TRABD2A: variants seen among roughly 807,000 people sequenced by gnomAD.
TRABD2A encodes metalloprotease TIKI1.
A neutral mutation model predicts 45.6 loss-of-function variants in TRABD2A; 43 were observed. The ratio of observed to expected loss-of-function variants is 0.94; its 90% CI spans 0.74 to 1.22. The LOEUF (loss-of-function observed/expected upper bound fraction) is 1.22, where lower values mean the gene tolerates loss of function less well. Ranked by LOEUF, TRABD2A falls within the 50% of genes most tolerant of loss-of-function variation. TRABD2A has a pLI of 0.00. For synonymous variants in TRABD2A, 269 were observed against 265.0 expected (o/e 1.02, Z -0.15); for missense variants, 642 against 652.4 (o/e 0.98, Z 0.17).
rs72836493 is a variant in TRABD2A, at chr2:84,822,764, C to T, written c.1335-664G>A. On this transcript the variant is annotated intron_variant, in intron 6 of 6. Coordinates refer to ENST00000409520, the MANE Select transcript of TRABD2A (RefSeq NM_001277053.2). ...GAAGCTGTCCCCATTCTCCAGGTCCCATCTGGCTGCCAGCTTCTGTCCATT... is the reference window on the plus strand; with the variant it reads ...GAAGCTGTCCCCATTCTCCAGGTCCTATCTGGCTGCCAGCTTCTGTCCATT... 2.3e-3 allele frequency among the ~76,000 whole-genome samples: 352 copies of T among 152,336 alleles called. 1 individual carries two copies. Among genetic ancestry groups the T allele is most frequent in the Non-Finnish European group, 4.2e-3 (285 of 68,028 alleles).
Position 84,821,887 on chromosome 2 carries a change from G to T in TRABD2A, c.*30C>A. The T allele has an allele frequency of 1.3e-6, 2 of 1,535,218 alleles. No individual in the cohort carries two copies. Among genetic ancestry groups the T allele is most frequent in the Non-Finnish European group, 1.8e-6 (2 of 1,138,802 alleles). ...AATGGCCATTCTTCAAGTCCGAGGG[G>T]TCAGGTTCTTAGCCTGGTGCTTCCA... On this transcript the variant is annotated 3_prime_UTR_variant, in exon 7 of 7. Coordinates refer to ENST00000409520, the MANE Select transcript of TRABD2A (RefSeq NM_001277053.2).
chr2:84,863,446 A>G (rs141702048), intron 2 of TRABD2A, among the ~76,000 whole-genome samples: 3,792 of 149,412 alleles, frequency 0.025, 79 homozygotes, highest in South Asian at 0.056. Flanking sequence ...GGGTTTCACC[A>G]TGGTCTCGAT....
rs1254419742 is a variant in TRABD2A, at chr2:84,870,814, A to G, written c.109-29T>C. On this transcript the variant is annotated intron_variant, in intron 1 of 6. Transcript: ENST00000409520. ...AAAAGAAAAGAGGTAACATCAAGGT[A>G]TAATATGGGGGAGAGGCATGGTCAG... 4 of 1,527,604 alleles carry G rather than the reference A, an allele frequency of 2.6e-6. No homozygotes were observed. In the African/African-American group the frequency reaches 5.5e-5, roughly 21 times the overall value. 94.6% of individuals were successfully genotyped at this position (1,527,604 alleles called of 1,614,324 possible).
intron 2 of TRABD2A, among the ~76,000 whole-genome samples, chr2:84,844,269 G>T (rs992926960): frequency 1.3e-5 from 2 of 152,192 alleles, no homozygotes; most frequent in South Asian, 4.1e-4. Context: ...TTGAATCATG[G>T]AGGTAGGTCT....
Position 84,839,242 on chromosome 2 carries a change from G to A in TRABD2A, c.898C>T (p.Leu300=). 6.2e-7 allele frequency: 1 copy of A among 1,613,894 alleles called. No homozygotes were observed. Among genetic ancestry groups the A allele is most frequent in the Non-Finnish European group, 8.5e-7 (1 of 1,179,882 alleles). Residue 300 remains leucine, a synonymous_variant, in exon 4 of 7, where the codon CTG becomes TTG. Transcript: ENST00000409520. The part of the protein sequence containing the change: ...QEIDSYLRRE[L]IYKRNERIGK... ...ATTCTCTCATTCCGCTTGTAGATCA[G>A]CTCCCGGCGTAAGTAGCTGTCAATC...
At chr2:84,879,066 G>A (rs541536805) in intron 1 of TRABD2A, among the ~76,000 whole-genome samples, 8 of 149,944 alleles carry the variant, frequency 5.3e-5, no homozygotes, top group African/African-American at 1.9e-4. Context: ...TTTTCTGGAG[G>A]CTACATGTGT....
chr2:84,845,439 C>T (rs1185878026), intron 2 of TRABD2A, among the ~76,000 whole-genome samples: 1 of 152,184 alleles, frequency 6.6e-6, no homozygotes. Context: ...GAGAATTACA[C>T]ACAATCCCTG....
intron 1 of TRABD2A, among the ~76,000 whole-genome samples, chr2:84,877,427 C>T (rs1208300408): frequency 6.6e-6 from 1 of 152,260 alleles, no homozygotes; most frequent in Non-Finnish European, 1.5e-5. Context: ...TCCCTTCTAA[C>T]TTGTTGCAAC....
intron 2 of TRABD2A, among the ~76,000 whole-genome samples, chr2:84,847,722 G>A (rs79068931): frequency 0.037 from 5,664 of 152,270 alleles, 168 homozygotes; most frequent in Non-Finnish European, 0.061. Context: ...TTCTGTTAAC[G>A]TTTTTCATGT....
chr2:84,868,353 G>A (rs1277052199), intron 2 of TRABD2A, among the ~76,000 whole-genome samples: 10 of 149,824 alleles, frequency 6.7e-5, no homozygotes, highest in South Asian at 2.1e-4. Context: ...ACCAAACACC[G>A]CATGTTCTCA....
In TRABD2A at chr2:84,870,517, T is replaced by TG. The variant is rs757010855; in HGVS notation, c.376dup (p.His126ProfsTer52). ...CATCATGAGCTTGACATACTCCAGG[T>TG]GGCGCTTGAGGCGGCAGTAGATGTC... On this transcript the variant is annotated frameshift_variant, in exon 2 of 7. Coordinates refer to ENST00000409520, the MANE Select transcript of TRABD2A (RefSeq NM_001277053.2). LOFTEE classifies it high-confidence loss of function. The TG allele has an allele frequency of 8.7e-6, 14 of 1,613,940 alleles. No individual in the cohort carries two copies. The highest frequency in any genetic ancestry group is 1.0e-5 in the Non-Finnish European group (12 of 1,179,880).
At chr2:84,822,308 A>G (rs936519373) in intron 6 of TRABD2A, among the ~76,000 whole-genome samples, 1 of 152,222 alleles carries the variant, frequency 6.6e-6, no homozygotes, top group African/African-American at 2.4e-5. Flanking sequence ...AGAGGATATT[A>G]AGACCAGCAG....
chr2:84,863,026 C>T (rs1682549445), intron 2 of TRABD2A, among the ~76,000 whole-genome samples: 1 of 152,166 alleles, frequency 6.6e-6, no homozygotes. Context: ...CCACGTACAA[C>T]ATCTGTATTG....
intron 3 of TRABD2A, among the ~76,000 whole-genome samples, chr2:84,840,434 A>G (rs1681671612): frequency 6.6e-6 from 1 of 152,102 alleles, no homozygotes; most frequent in Non-Finnish European, 1.5e-5. Context: ...TCCACCTTCT[A>G]AATTCCAAAC....
At chr2:84,858,309 G>T (rs1161315885) in intron 2 of TRABD2A, among the ~76,000 whole-genome samples, 3 of 151,870 alleles carry the variant, frequency 2.0e-5, no homozygotes. Context: ...TGCTCATATA[G>T]CCAACCCAGC....
intron 2 of TRABD2A, among the ~76,000 whole-genome samples, chr2:84,847,667 T>G (rs1337958990): frequency 6.6e-6 from 1 of 152,212 alleles, no homozygotes; most frequent in Non-Finnish European, 1.5e-5. Flanking sequence ...GCTCACTGCC[T>G]CCCACTGTGC....
Position 84,821,831 on chromosome 2 carries a change from A to G in TRABD2A, c.*86T>C, listed in dbSNP as rs1681007673. 1 of 1,372,410 alleles carries G rather than the reference A, an allele frequency of 7.3e-7. No homozygotes were observed. The highest frequency in any genetic ancestry group is 2.7e-5 in the East Asian group (1 of 37,060). The allele number at this position is 1,372,410 out of a possible 1,614,324, so 85.0% of individuals were successfully genotyped here. The stretch of plus-strand genomic sequence containing the variant: ...GAGCAGTCTCTTCTGGATTGGGCCC[A>G]ACAAGGCTAGACCAGAATGTGGAGT... On this transcript the variant is annotated 3_prime_UTR_variant, in exon 7 of 7. Transcript: ENST00000409520.
At chr2:84,853,393 C>A (rs1049410528) in intron 2 of TRABD2A, among the ~76,000 whole-genome samples, 1 of 152,150 alleles carries the variant, frequency 6.6e-6, no homozygotes, top group African/African-American at 2.4e-5. Context: ...CGTCACATGG[C>A]AGCAGGAAGG....
At chr2:84,838,429 A>C (rs1681591325) in intron 4 of TRABD2A, among the ~76,000 whole-genome samples, 2 of 152,218 alleles carry the variant, frequency 1.3e-5, no homozygotes. Context: ...CTATGGAAGA[A>C]CAGGTTTTTG....
Sources: gnomAD v4.1 joint callset for allele counts (sites outside exome capture counted in the v4.1 genomes callset) on GRCh38, gnomAD v4.1.1 for gene constraint, MANE v1.5 for transcripts, NCBI Gene and HGNC (gene_info 2026-07-23, HGNC 2026-07-21) for gene names.